Variants in GAS2 observed in about 807,000 individuals in gnomAD.
GAS2 encodes growth arrest-specific protein 2.
GAS2 carries 20 observed loss-of-function variants against 37.5 expected under a neutral mutation model. That is an observed-to-expected ratio of 0.53 (90% CI 0.37 to 0.77). The LOEUF (loss-of-function observed/expected upper bound fraction) is 0.77. Among genes scored for constraint, GAS2 ranks in the 30% least tolerant of loss-of-function variants. The pLI is 0.00. For synonymous variants in GAS2, 144 were observed against 132.2 expected (o/e 1.09, Z -0.61); for missense variants, 336 against 373.4 (o/e 0.90, Z 0.82).
intron 4 of GAS2, among the ~76,000 whole-genome samples, chr11:22,737,284 G>A (rs1852804960): frequency 6.6e-6 from 1 of 152,054 alleles, no homozygotes; most frequent in South Asian, 2.1e-4. Flanking sequence ...GTTGGAGGTA[G>A]GCCCATGATA....
At chr11:22,715,460 C>CAGA (rs1467387184) in intron 3 of GAS2, among the ~76,000 whole-genome samples, 1 of 41,768 alleles carries the variant, frequency 2.4e-5, no homozygotes, top group Non-Finnish European at 3.7e-5. Flanking sequence ...GACTCTGTCT[C>CAGA]AAAAAAAAAA....
intron 1 of GAS2, among the ~76,000 whole-genome samples, chr11:22,627,698 C>A (rs901569999): frequency 1.3e-5 from 2 of 151,550 alleles, no homozygotes; most frequent in Non-Finnish European, 2.9e-5. Flanking sequence ...TAGCTTGAAC[C>A]CGGGAGGTGA....
intron 3 of GAS2, among the ~76,000 whole-genome samples, chr11:22,723,120 T>C (rs1852025436): frequency 6.6e-6 from 1 of 151,898 alleles, no homozygotes; most frequent in Non-Finnish European, 1.5e-5. Flanking sequence ...GAAGCTTCTA[T>C]TCACACTGTT....
chr11:22,797,493 ACC>A (rs1856484607), intron 7 of GAS2, among the ~76,000 whole-genome samples: 2 of 152,000 alleles, frequency 1.3e-5, no homozygotes, highest in African/African-American at 4.8e-5. Flanking sequence ...ATAGTAGTTC[ACC>A]CTTCAAATAA....
At chr11:22,798,040 G>A (rs1057314530) in intron 7 of GAS2, among the ~76,000 whole-genome samples, 2 of 152,034 alleles carry the variant, frequency 1.3e-5, no homozygotes, top group Admixed American at 6.6e-5. Context: ...AGTATTATCT[G>A]AATCCTAAGA....
At chr11:22,792,509 A>G (rs1856214312) in intron 7 of GAS2, among the ~76,000 whole-genome samples, 1 of 152,250 alleles carries the variant, frequency 6.6e-6, no homozygotes. Context: ...AAAGGAATAA[A>G]GTTACTAGAA....
intron 1 of GAS2, among the ~76,000 whole-genome samples, chr11:22,638,787 T>A (rs956847239): frequency 2.6e-4 from 39 of 152,170 alleles, no homozygotes; most frequent in Non-Finnish European, 2.9e-5. Flanking sequence ...GCTCTCTGCT[T>A]GATGAAATAA....
At chr11:22,641,244 A>G (rs142149707) in intron 1 of GAS2, among the ~76,000 whole-genome samples, 7,145 of 143,452 alleles carry the variant, frequency 0.05, 355 homozygotes, top group East Asian at 0.28. Flanking sequence ...ATATATGTGT[A>G]TATATATATA....
intron 7 of GAS2, among the ~76,000 whole-genome samples, chr11:22,797,200 C>T (rs981195253): frequency 8.6e-5 from 13 of 151,978 alleles, no homozygotes; most frequent in Non-Finnish European, 1.8e-4. Context: ...GTTAAGTGCT[C>T]CTACACATAT....
chr11:22,648,860 A>C (rs11529702), intron 1 of GAS2, among the ~76,000 whole-genome samples: 4 of 152,200 alleles, frequency 2.6e-5, no homozygotes, highest in African/African-American at 9.6e-5. Flanking sequence ...TGTCGTCTAC[A>C]AACAGGGACA....
At chr11:22,697,773 G>C (rs907746563) in intron 3 of GAS2, among the ~76,000 whole-genome samples, 8 of 152,152 alleles carry the variant, frequency 5.3e-5, no homozygotes, top group African/African-American at 1.9e-4. Context: ...AAGAATGCTT[G>C]TGATTTTTGT....
chr11:22,741,688 T>C (rs1364110841), intron 5 of GAS2, among the ~76,000 whole-genome samples: 3 of 152,130 alleles, frequency 2.0e-5, no homozygotes, highest in Admixed American at 6.6e-5. Flanking sequence ...ACAAAGATGA[T>C]TAACTGACCC....
At chr11:22,739,531 C>T (rs1170552650) in intron 5 of GAS2, among the ~76,000 whole-genome samples, 2 of 135,698 alleles carry the variant, frequency 1.5e-5, no homozygotes, top group African/African-American at 5.4e-5. Context: ...CTAGATTGCA[C>T]CACTGCACCC....
rs141786385 is a variant in GAS2 at position 22,711,000 on chromosome 11, A to G, written c.268-15292A>G. ...ACAAGCAGCTCCCACTTAGATGGAC[A>G]GAACAGTGTCTGGAGACTCACATTG... is the stretch of plus-strand genomic sequence containing the variant. On this transcript the variant is annotated intron_variant, in intron 3 of 7. Coordinates refer to ENST00000454584, the MANE Select transcript of GAS2 (RefSeq NM_001143830.3). 9.8e-4 allele frequency among the ~76,000 whole-genome samples: 150 copies of G among 152,340 alleles called. 2 individuals are homozygous for G. The highest frequency in any genetic ancestry group is 2.9e-3 in the African/African-American group (120 of 41,588).
chr11:22,655,959 T>C (rs1324577493), intron 1 of GAS2, among the ~76,000 whole-genome samples: 1 of 152,220 alleles, frequency 6.6e-6, no homozygotes, highest in African/African-American at 2.4e-5. Context: ...TTCCTGTTCT[T>C]AGTGGGTCAT....
intron 1 of GAS2, among the ~76,000 whole-genome samples, chr11:22,635,729 A>C (rs187862492): frequency 3.9e-5 from 6 of 152,288 alleles, no homozygotes; most frequent in Admixed American, 3.3e-4. Context: ...ACTGCTGCCT[A>C]AGTTAACTGA....
chr11:22,630,338 G>T (rs949969038), intron 1 of GAS2, among the ~76,000 whole-genome samples: 6 of 152,100 alleles, frequency 3.9e-5, no homozygotes, highest in Non-Finnish European at 5.9e-5. Context: ...GAGAATGATG[G>T]TTTCCAGCTT....
At chr11:22,689,453 T>C (rs1411312125) in intron 3 of GAS2, among the ~76,000 whole-genome samples, 2 of 152,174 alleles carry the variant, frequency 1.3e-5, no homozygotes, top group African/African-American at 4.8e-5. Context: ...AAATCAATAA[T>C]AACTTGTGCC....
intron 7 of GAS2, among the ~76,000 whole-genome samples, chr11:22,784,411 T>G (rs1462728701): frequency 6.6e-6 from 1 of 152,152 alleles, no homozygotes; most frequent in Non-Finnish European, 1.5e-5. Flanking sequence ...GGTCAGATAG[T>G]TCATATTCCT....
Sources: allele counts gnomAD v4.1 joint callset (sites outside exome capture counted in the v4.1 genomes callset), GRCh38; gene constraint gnomAD v4.1.1; transcripts MANE v1.5; gene names NCBI Gene and HGNC (gene_info 2026-07-23, HGNC 2026-07-21).